The following IRAK2 variants were observed in gnomAD, a reference collection of about 807,000 sequenced individuals.
The protein encoded by IRAK2 is interleukin-1 receptor-associated kinase-like 2.
In IRAK2, 57 loss-of-function variants were observed where a neutral mutation model predicts 72.0. That is an observed-to-expected ratio of 0.79 (90% CI 0.64 to 0.99). The LOEUF (loss-of-function observed/expected upper bound fraction) is 0.99, where lower values mean the gene tolerates loss of function less well. IRAK2 is among the 50% of genes least tolerant of loss of function. The probability of loss-of-function intolerance (pLI) is 0.00; values close to 1 mark genes in which losing one functional copy is unlikely to be tolerated. For synonymous variants in IRAK2, 293 were observed against 312.7 expected, an observed-to-expected ratio of 0.94 and a Z score of 0.67; for missense variants, 790 against 794.4, an observed-to-expected ratio of 0.99 and a Z score of 0.07.
At chr3:10,186,345 A>T (rs894848273) in intron 2 of IRAK2, among the ~76,000 whole-genome samples, 6 of 151,700 alleles carry the variant, frequency 4.0e-5, no homozygotes, top group African/African-American at 1.5e-4. Context: ...AAAAAACTAG[A>T]AGCTTCTGCT....
chr3:10,225,098 G>A (rs1697754158), intron 9 of IRAK2, among the ~76,000 whole-genome samples: 1 of 152,022 alleles, frequency 6.6e-6, no homozygotes, highest in Non-Finnish European at 1.5e-5. Context: ...GCCCTCTGCT[G>A]CCCTTTTCTG....
At chr3:10,232,609 T>C (rs1230707928) in intron 10 of IRAK2, among the ~76,000 whole-genome samples, 1 of 152,166 alleles carries the variant, frequency 6.6e-6, no homozygotes, top group Non-Finnish European at 1.5e-5. Context: ...TTCTGTAGTT[T>C]TTTTGATTAT....
intron 1 of IRAK2, among the ~76,000 whole-genome samples, chr3:10,169,808 G>A (rs1696767329): frequency 6.6e-6 from 1 of 152,196 alleles, no homozygotes; most frequent in South Asian, 2.1e-4. Context: ...ATGGGATTAA[G>A]AGATTAAAGA....
chr3:10,242,078 A>G (rs758780614), intron 12 of IRAK2, 38 bp from the exon 13 acceptor site: 4 of 1,204,016 alleles, frequency 3.3e-6, no homozygotes, highest in Non-Finnish European at 3.7e-6. Context: ...AGTAACTTTC[A>G]TTCAAGTCGC....
chr3:10,222,560 C>A, intron 8 of IRAK2, 76 bp from the exon 9 acceptor site: 1 of 1,247,788 alleles, frequency 8.0e-7, no homozygotes, highest in Non-Finnish European at 1.2e-6. Flanking sequence ...TATATTGTCT[C>A]CCCAAAGGGT....
chr3:10,221,363 C>T (rs1312547460), intron 8 of IRAK2, among the ~76,000 whole-genome samples: 1 of 147,548 alleles, frequency 6.8e-6, no homozygotes, highest in East Asian at 2.0e-4. Context: ...ACGCCATTCT[C>T]CTGCCTCAGC....
rs1254062484 is a variant in IRAK2, at chr3:10,178,460, GA to G, written c.277+452del. ...TGACAGTGAGACTCTGTCTCCAAAA[GA>G]AAAAAAAAAAAGAAACAAAAAAAAG... On this transcript the variant is annotated intron_variant, in intron 2 of 12. Transcript: ENST00000256458. 6.6e-3 allele frequency among the ~76,000 whole-genome samples: 859 copies of G among 130,022 alleles called. 21 individuals are homozygous for G. The highest frequency in any genetic ancestry group is 4.4e-3 in the Non-Finnish European group (264 of 59,720). 85.3% of individuals were successfully genotyped at this position (130,022 alleles called of 152,430 possible). A position where few individuals can be genotyped will look rare whatever the true frequency, so the allele number is the denominator to read the frequency against.
At chr3:10,198,091 CGG>C (rs1284606210) in intron 2 of IRAK2, among the ~76,000 whole-genome samples, 1 of 151,866 alleles carries the variant, frequency 6.6e-6, no homozygotes, top group East Asian at 1.9e-4. Context: ...CCCAGCTACA[CGG>C]GAGGCTGAGG....
chr3:10,181,865 G>GA (rs986928648), intron 2 of IRAK2, among the ~76,000 whole-genome samples: 10 of 152,072 alleles, frequency 6.6e-5, no homozygotes, highest in African/African-American at 1.9e-4. Context: ...CTTTTCCTTT[G>GA]AAAAACCTCC....
intron 1 of IRAK2, among the ~76,000 whole-genome samples, chr3:10,176,733 T>A (rs1431565916): frequency 2.0e-5 from 3 of 152,118 alleles, no homozygotes; most frequent in African/African-American, 7.2e-5. Flanking sequence ...CGCCTTGGCC[T>A]TCCAAAGTGC....
intron 2 of IRAK2, among the ~76,000 whole-genome samples, chr3:10,180,625 C>T (rs1215779935): frequency 6.6e-6 from 1 of 152,198 alleles, no homozygotes; most frequent in South Asian, 2.1e-4. Context: ...TGGGAACCAC[C>T]TGGCTGGACC....
In IRAK2 at chr3:10,242,194, A is replaced by G. The variant is rs1442235334; in HGVS notation, c.1844A>G (p.Glu615Gly). ...LMENILLYKE[E>G]KVDSIELFGP is the part of the protein sequence containing the mutation. Reference sequence around the variant, plus strand: ...GAGAATATTCTGCTCTACAAAGAGGAAAAAGTGGACAGCATTGAGCTCTTT... The same window carrying G: ...GAGAATATTCTGCTCTACAAAGAGGGAAAAGTGGACAGCATTGAGCTCTTT... Residue 615 changes from glutamate to glycine, a missense_variant, in exon 13 of 13, where the codon GAA (glutamate) becomes GGA (glycine). By Grantham distance (98) the Glu-to-Gly change is moderately conservative (BLOSUM62 -2). Transcript: ENST00000256458. 6.2e-7 allele frequency: 1 copy of G among 1,612,542 alleles called. No individual in the cohort carries two copies. Among genetic ancestry groups the G allele is most frequent in the Non-Finnish European group, 8.5e-7 (1 of 1,178,902 alleles).
intron 10 of IRAK2, 111 bp downstream of exon 10, chr3:10,226,544 T>G: frequency 1.2e-6 from 1 of 808,584 alleles, no homozygotes; most frequent in Non-Finnish European, 2.0e-6. Flanking sequence ...TGAGGCCCGG[T>G]ACAAGGTTGC....
intron 2 of IRAK2, among the ~76,000 whole-genome samples, chr3:10,199,240 T>C (rs2125151087): frequency 6.6e-6 from 1 of 152,234 alleles, no homozygotes; most frequent in African/African-American, 2.4e-5. Context: ...GGCTGGAAGC[T>C]GAGGTTGACA....
intron 2 of IRAK2, among the ~76,000 whole-genome samples, chr3:10,191,294 CA>C (rs60436432): frequency 4.0e-4 from 57 of 143,586 alleles, no homozygotes; most frequent in Middle Eastern, 3.8e-3. Context: ...GAATCTGTCT[CA>C]AAAAAAAAAA....
chr3:10,211,561 G>A (rs1697522797), intron 4 of IRAK2, among the ~76,000 whole-genome samples: 2 of 152,134 alleles, frequency 1.3e-5, no homozygotes. Flanking sequence ...TGAGGCTGCG[G>A]TGAGCTGACA....
intron 2 of IRAK2, among the ~76,000 whole-genome samples, chr3:10,184,992 A>G (rs1575960017): frequency 6.6e-6 from 1 of 150,438 alleles, no homozygotes; most frequent in Middle Eastern, 3.4e-3. Context: ...TGGCCTCCCA[A>G]AGTGCTGGGA....
chr3:10,217,906 G>C (rs1697628503), intron 7 of IRAK2, among the ~76,000 whole-genome samples: 1 of 152,156 alleles, frequency 6.6e-6, no homozygotes, highest in African/African-American at 2.4e-5. Flanking sequence ...ATCACCTCCA[G>C]GCCGTGCCAC....
At chr3:10,224,722 A>ACCCACCTGTCCACC (rs1697745970) in intron 9 of IRAK2, among the ~76,000 whole-genome samples, 1 of 58,810 alleles carries the variant, frequency 1.7e-5, no homozygotes, top group Non-Finnish European at 3.5e-5. Flanking sequence ...CCTCCCACCC[A>ACCCACCTGTCCACC]CATACCCATC....
Sources: allele counts gnomAD v4.1 joint callset (sites outside exome capture counted in the v4.1 genomes callset), GRCh38; gene constraint gnomAD v4.1.1; transcripts MANE v1.5; gene names NCBI Gene and HGNC (gene_info 2026-07-23, HGNC 2026-07-21).